The following DCP2 variants were observed in gnomAD, a reference collection of about 807,000 sequenced individuals.
The protein encoded by DCP2 is decapping mRNA 2.
In DCP2, 30 loss-of-function variants were observed where a neutral mutation model predicts 56.1. That is an observed-to-expected ratio of 0.53 (90% CI 0.40 to 0.73). The LOEUF is 0.73. DCP2 is among the 30% of genes least tolerant of loss of function. DCP2 has a pLI of 0.00. For synonymous variants in DCP2, 197 were observed against 163.3 expected (o/e 1.21, Z -1.57); for missense variants, 533 against 502.7 (o/e 1.06, Z -0.58).
chr5:112,992,901 CTTT>C, intron 4 of DCP2, 131 bp downstream of exon 4: 1 of 115,954 alleles, frequency 8.6e-6, no homozygotes, highest in Non-Finnish European at 1.5e-5. Context: ...AAGTAACTTA[CTTT>C]TTTTTTTTTT....
chr5:113,009,061 G>A (rs1175106322), intron 9 of DCP2, among the ~76,000 whole-genome samples: 1 of 152,074 alleles, frequency 6.6e-6, no homozygotes, highest in Non-Finnish European at 1.5e-5. Context: ...TGGCCAGGAT[G>A]GTCTCGATCT....
intron 10 of DCP2, 31 bp from the exon 11 acceptor site, chr5:113,013,290 A>T (rs1158052737): frequency 6.3e-7 from 1 of 1,591,764 alleles, no homozygotes; most frequent in South Asian, 1.1e-5. Flanking sequence ...AAGGTTACTG[A>T]GCTTATTTAT....
At chr5:113,001,523 G>C (rs1561698636) in intron 6 of DCP2, 44 bp from the exon 7 acceptor site, 1 of 1,607,890 alleles carries the variant, frequency 6.2e-7, no homozygotes, top group Admixed American at 1.7e-5. Context: ...GTCATCTTCT[G>C]TCTGTAGCCA....
intron 9 of DCP2, among the ~76,000 whole-genome samples, chr5:113,010,042 T>TC (rs1432414367): frequency 6.6e-6 from 1 of 151,098 alleles, no homozygotes; most frequent in East Asian, 1.9e-4. Context: ...CTCTTTTTTT[T>TC]TTTTTTTTGA....
rs188299867 is a variant in DCP2, at chr5:113,008,009, G to C, written c.1014G>C (p.Gly338=). The C allele has an allele frequency of 4.3e-6, 7 of 1,613,792 alleles. No homozygotes were observed. The highest frequency in any genetic ancestry group is 5.9e-6 in the Non-Finnish European group (7 of 1,179,896). ...CTAATCAAAAGAAAAGAACAAATGG[G>C]CTTCAGCCAGCAAAGCAGCAGAATT... is the stretch of plus-strand genomic sequence containing the variant. ...DSPNQKKRTN[G]LQPAKQQNSL... Residue 338 remains glycine, a synonymous_variant, in exon 9 of 11, where the codon GGG becomes GGC. Transcript: ENST00000389063.
chr5:113,009,990 G>C (rs887707363), intron 9 of DCP2, among the ~76,000 whole-genome samples: 2 of 139,944 alleles, frequency 1.4e-5, no homozygotes, highest in Non-Finnish European at 3.0e-5. Flanking sequence ...ATTGTTTACT[G>C]TAGCCTTGAA....
chr5:112,998,490 G>T (rs13156493), intron 4 of DCP2, among the ~76,000 whole-genome samples: 67,808 of 152,012 alleles, frequency 0.45, 16,127 homozygotes, highest in East Asian at 0.64. Flanking sequence ...AATTTTTTCT[G>T]TTGTAGACTG....
intron 4 of DCP2, 76 bp from the exon 5 acceptor site, chr5:113,001,008 G>T: frequency 2.9e-6 from 4 of 1,383,286 alleles, no homozygotes; most frequent in Non-Finnish European, 3.9e-6. Flanking sequence ...CTGAGTTTTT[G>T]TCTTGGGAAT....
intron 1 of DCP2, among the ~76,000 whole-genome samples, chr5:112,982,652 T>G (rs868292962): frequency 2.7e-5 from 4 of 147,118 alleles, no homozygotes; most frequent in Non-Finnish European, 4.4e-5. Context: ...GTAATAATAG[T>G]TTTTTTTCCC....
rs1274675714 is a variant in DCP2 at position 113,019,402 on chromosome 5, ACTG to A, written c.*5921_*5923del. On this transcript the variant is annotated 3_prime_UTR_variant, in exon 11 of 11. Coordinates refer to ENST00000389063, the MANE Select transcript of DCP2 (RefSeq NM_152624.6). ...ACTGACAGAAAAGCACAGAAGACAT[ACTG>A]CTAAGAGTTTCTTTGTGCATTTCAC... is the stretch of plus-strand genomic sequence containing the variant. 4 of 152,222 alleles carry A rather than the reference ACTG, an allele frequency of 2.6e-5. No homozygotes were observed. Among genetic ancestry groups the A allele is most frequent in the Non-Finnish European group, 4.4e-5 (3 of 68,038 alleles). 9.4% of individuals were successfully genotyped at this position (152,222 alleles called of 1,614,324 possible).
intron 4 of DCP2, among the ~76,000 whole-genome samples, chr5:112,993,316 G>C (rs1447613000): frequency 6.6e-6 from 1 of 152,052 alleles, no homozygotes; most frequent in African/African-American, 2.4e-5. Flanking sequence ...TCTTGAACTT[G>C]ATTGATTTGT....
intron 4 of DCP2, among the ~76,000 whole-genome samples, chr5:112,997,900 A>G (rs568570578): frequency 6.6e-6 from 1 of 152,294 alleles, no homozygotes; most frequent in East Asian, 1.9e-4. Context: ...GGTGTGAGCC[A>G]CCGAGCCTGG....
At chr5:112,982,999 A>G (rs2150168242) in intron 1 of DCP2, among the ~76,000 whole-genome samples, 1 of 152,330 alleles carries the variant, frequency 6.6e-6, no homozygotes, top group Non-Finnish European at 1.5e-5. Context: ...TAAAATACAG[A>G]TAAAGCAGAC....
intron 4 of DCP2, among the ~76,000 whole-genome samples, chr5:112,998,013 A>T (rs1056761497): frequency 6.6e-6 from 1 of 152,224 alleles, no homozygotes; most frequent in Non-Finnish European, 1.5e-5. Context: ...ACGCTATATT[A>T]TAATACAGCA....
intron 1 of DCP2, among the ~76,000 whole-genome samples, chr5:112,979,372 A>G (rs914401474): frequency 1.3e-5 from 2 of 152,218 alleles, no homozygotes; most frequent in African/African-American, 4.8e-5. Flanking sequence ...TACAGATTCA[A>G]GCTTTTCATT....
intron 4 of DCP2, among the ~76,000 whole-genome samples, chr5:113,000,019 C>A (rs574785754): frequency 2.1e-5 from 3 of 144,326 alleles, no homozygotes; most frequent in Non-Finnish European, 4.5e-5. Context: ...CAGGAGCCCA[C>A]CATTGCACTC....
At chr5:112,987,402 G>GC in intron 2 of DCP2, among the ~76,000 whole-genome samples, 1 of 152,220 alleles carries the variant, frequency 6.6e-6, no homozygotes, top group Non-Finnish European at 1.5e-5. Context: ...GGTGATGATG[G>GC]CATCGTATGG....
At position 113,001,104 on chromosome 5, in the gene DCP2, T is replaced by A; in HGVS notation, c.453T>A (p.Phe151Leu). The change falls in exon 5 of 11, where the codon TTT becomes TTA. Residue 151 changes from phenylalanine to leucine, a missense_variant. Physicochemically the swap from Phe to Leu is conservative, Grantham distance 22. Around this residue, in one of 3 missense-constraint regions of DCP2, gnomAD observed 392 missense variants for 346.6 expected, o/e 1.13. Transcript: ENST00000389063. ...TCCAGGTCTTTGAAGAAACTGGTTT[T>A]GATATCAAAGACTATATTTGTAAGG... Reference protein sequence around the residue: ...AAREVFEETGFDIKDYICKDD... With the variant: ...AAREVFEETGLDIKDYICKDD... The A allele has an allele frequency of 6.2e-7, 1 of 1,605,264 alleles. No individual in the cohort carries two copies. Among genetic ancestry groups the A allele is most frequent in the Non-Finnish European group, 8.5e-7 (1 of 1,176,568 alleles).
At chr5:112,984,108 G>C (rs1183127840) in intron 1 of DCP2, 1 of 152,184 alleles carries the variant, frequency 6.6e-6, no homozygotes, top group East Asian at 1.9e-4. Flanking sequence ...GTGTAGAGTT[G>C]ACAGATGTGT....
Sources: gnomAD v4.1 joint callset for allele counts (sites outside exome capture counted in the v4.1 genomes callset) on GRCh38, gnomAD v4.1.1 for gene constraint, gnomAD v4.1.1 regional missense constraint, MANE v1.5 for transcripts, NCBI Gene and HGNC (gene_info 2026-07-23, HGNC 2026-07-21) for gene names.